Variants in PPIE observed in about 807,000 individuals in gnomAD.
The protein encoded by PPIE is peptidyl-prolyl cis-trans isomerase E.
In PPIE, 20 loss-of-function variants were observed where a neutral mutation model predicts 38.4. The ratio of observed to expected loss-of-function variants is 0.52; its 90% CI spans 0.37 to 0.76. PPIE has a LOEUF of 0.76. Ranked by LOEUF, PPIE falls within the 30% of genes least tolerant of loss-of-function variation. The probability of loss-of-function intolerance (pLI) is 0.00; values close to 1 mark genes in which losing one functional copy is unlikely to be tolerated. For missense variants in PPIE, 322 were observed against 385.8 expected (o/e 0.83, Z 1.39); for synonymous variants, 142 against 135.7 (o/e 1.05, Z -0.32).
At chr1:39,762,938 G>A in intron 9 of PPIE, among the ~76,000 whole-genome samples, 1 of 152,224 alleles carries the variant, frequency 6.6e-6, no homozygotes, top group East Asian at 1.9e-4. Context: ...TTCCTGCAGA[G>A]CTGTGGGAAG....
At chr1:39,741,770 C>T in intron 3 of PPIE, 125 bp from the exon 4 acceptor site, 1 of 1,104,530 alleles carries the variant, frequency 9.1e-7, no homozygotes, top group Non-Finnish European at 1.3e-6. Flanking sequence ...TAGAAACACA[C>T]AAAACCTAGG....
At position 39,753,608 on chromosome 1, in the gene PPIE, TG is replaced by T. The variant is rs1647988532; in HGVS notation, c.*255del. 1 of 1,327,192 alleles carries T rather than the reference TG, an allele frequency of 7.5e-7. No individual in the cohort carries two copies. Among genetic ancestry groups the T allele is most frequent in the South Asian group, 2.1e-5 (1 of 47,918 alleles). The allele number at this position is 1,327,192 out of a possible 1,614,324, so 82.2% of individuals were successfully genotyped here. On this transcript the variant is annotated 3_prime_UTR_variant, in exon 10 of 10. Coordinates refer to ENST00000324379, the MANE Select transcript of PPIE (RefSeq NM_006112.4). ...ATGGGCAGGCTGTGCAAAAAGCCAC[TG>T]GCTTTTCTCAGCATTTGCTGCTGGG...
chr1:39,752,913 T>A lies in PPIE; in HGVS notation c.698T>A (p.Leu233Gln). ...TGATGGTTGTTCTCTCCCTCAGGTC[T>A]ACTATCCATGGCCAACTCTGGCCCA... The part of the protein sequence containing the change: ...NFILKHTGPG[L>Q]LSMANSGPNT... The change falls in exon 9 of 10, where the codon CTA becomes CAA. Residue 233 changes from leucine (L) to glutamine (Q), a missense_variant. By Grantham distance (113) the Leu-to-Gln change is moderately radical. Transcript: ENST00000324379. 6.2e-7 allele frequency: 1 copy of A among 1,613,526 alleles called. No individual in the cohort carries two copies. Among genetic ancestry groups the A allele is most frequent in the African/African-American group, 1.3e-5 (1 of 75,042 alleles).
intron 1 of PPIE, 128 bp downstream of exon 1, chr1:39,739,059 G>A: frequency 9.3e-7 from 1 of 1,075,790 alleles, no homozygotes; most frequent in Non-Finnish European, 1.2e-6. Flanking sequence ...TCTGGCGGTA[G>A]TGCTGGCGAT....
Position 39,756,171 on chromosome 1 carries a change from C to T in PPIE, c.*2816C>T, listed in dbSNP as rs984300445. On this transcript the variant is annotated 3_prime_UTR_variant, in exon 10 of 10. Transcript: ENST00000324379. Reference sequence around the variant, plus strand: ...ATGCAGCAGCTGCACCTGGCTGCCTCGGGAAAACTCTGACCTCTCTGGGAA... The same window carrying T: ...ATGCAGCAGCTGCACCTGGCTGCCTTGGGAAAACTCTGACCTCTCTGGGAA... 3 of 985,426 alleles carry T rather than the reference C, an allele frequency of 3.0e-6. No homozygotes were observed. Among genetic ancestry groups the T allele is most frequent in the African/African-American group, 3.5e-5 (2 of 57,368 alleles). The allele number at this position is 985,426 out of a possible 1,614,324, so 61.0% of individuals were successfully genotyped here.
chr1:39,755,689 C>G lies in PPIE; in HGVS notation c.*2334C>G, dbSNP rs1420413877. 1.0e-6 allele frequency: 1 copy of G among 985,296 alleles called. No homozygotes were observed. The highest frequency in any genetic ancestry group is 1.7e-5 in the African/African-American group (1 of 57,214). 61.0% of individuals were successfully genotyped at this position (985,296 alleles called of 1,614,324 possible). ...GTGACAACCTTGTCACTCTGTTCCTCCCTGATACTCTGGGGAGGTGGAGGC... is the reference window on the plus strand; with the variant it reads ...GTGACAACCTTGTCACTCTGTTCCTGCCTGATACTCTGGGGAGGTGGAGGC... On this transcript the variant is annotated 3_prime_UTR_variant, in exon 10 of 10. Coordinates refer to ENST00000324379, the MANE Select transcript of PPIE (RefSeq NM_006112.4).
rs868425838 is a variant in PPIE at position 39,762,570 on chromosome 1, T to A, written c.838-1119T>A. 1.9e-6 allele frequency: 3 copies of A among 1,550,142 alleles called. No homozygotes were observed. The African/African-American group carries it at 4.1e-5, about 21-fold the overall frequency. ...CCAGGGGATCCAGAAAAAACAAAGA[T>A]GGCCAAGAGAGAAACTGGGGGAAAA... On this transcript the variant is annotated intron_variant, in intron 9 of 9. Transcript: ENST00000356511.
rs918702022 is a variant in PPIE, at chr1:39,743,905, C to T, written c.365C>T (p.Pro122Leu). 6.2e-7 allele frequency: 1 copy of T among 1,612,904 alleles called. No individual in the cohort carries two copies. The highest frequency in any genetic ancestry group is 1.7e-5 in the Admixed American group (1 of 60,022). Residue 122 changes from proline to leucine, a missense_variant, in exon 6 of 10, where the codon CCC becomes CTC. Physicochemically the swap from Pro to Leu is moderately conservative, Grantham distance 98. Coordinates refer to ENST00000324379, the MANE Select transcript of PPIE (RefSeq NM_006112.4). The part of the protein sequence containing the change: ...ENKEEEGSEP[P>L]KAETQEGEPI... ...AAAGAGGAAGAAGGGTCAGAGCCTC[C>T]CAAAGCAGAGACCCAGGAGGTGAGA...
At chr1:39,762,492 C>G in intron 9 of PPIE, 1 of 1,544,330 alleles carries the variant, frequency 6.5e-7, no homozygotes, top group Non-Finnish European at 8.7e-7. Context: ...GTGATCCCAT[C>G]AGAAACCTGC....
rs1264337900 is a variant in PPIE, at chr1:39,755,013, G to C, written c.*1658G>C. The C allele has an allele frequency of 1.0e-6, 1 of 985,332 alleles. No individual in the cohort carries two copies. Among genetic ancestry groups the C allele is most frequent in the African/African-American group, 1.7e-5 (1 of 57,248 alleles). 61.0% of individuals were successfully genotyped at this position (985,332 alleles called of 1,614,324 possible). On this transcript the variant is annotated 3_prime_UTR_variant, in exon 10 of 10. Transcript: ENST00000324379. ...GAGCCTTTACAAAACAGGATTGCCA[G>C]CCACTGAAGAGAACAAATGGTCCCA...
rs768655373 is a variant in PPIE, at chr1:39,763,641, C to T, written c.838-48C>T. The T allele has an allele frequency of 9.1e-6, 14 of 1,532,988 alleles. No individual in the cohort carries two copies. The Admixed American group carries it at 2.3e-4, about 25-fold the overall frequency. 95.0% of individuals were successfully genotyped at this position (1,532,988 alleles called of 1,614,324 possible). ...ATTGAAGTCACCATGATTCTATGTC[C>T]TCCCTGCAGATTCACTTCTGATCTA... On this transcript the variant is annotated intron_variant, in intron 9 of 9. Coordinates refer to the PPIE transcript ENST00000356511.
chr1:39,763,187 G>A (rs1249066960), intron 9 of PPIE: 2 of 1,613,212 alleles, frequency 1.2e-6, no homozygotes, highest in African/African-American at 1.3e-5. Flanking sequence ...TAGCCTTGGG[G>A]AGCGATGACC....
chr1:39,756,414 T>C lies in PPIE; in HGVS notation c.*3059T>C, dbSNP rs1211483394. The stretch of plus-strand genomic sequence containing the variant: ...CATCTGAGTCCCCACATGCTGGCCC[T>C]GAAACGGTTACAAAGGCTGAAACCA... On this transcript the variant is annotated 3_prime_UTR_variant, in exon 10 of 10. Coordinates refer to ENST00000324379, the MANE Select transcript of PPIE (RefSeq NM_006112.4). 1.0e-6 allele frequency: 1 copy of C among 985,278 alleles called. No homozygotes were observed. Among genetic ancestry groups the C allele is most frequent in the Non-Finnish European group, 1.2e-6 (1 of 829,944 alleles). The allele number at this position is 985,278 out of a possible 1,614,324, so 61.0% of individuals were successfully genotyped here.
intron 8 of PPIE, 84 bp from the exon 9 acceptor site, chr1:39,752,826 G>A (rs1647877850): frequency 1.3e-6 from 2 of 1,513,112 alleles, no homozygotes; most frequent in Non-Finnish European, 8.9e-7. Flanking sequence ...CTGACTGGCT[G>A]AAGGGCTGTC....
At chr1:39,745,611 T>G (rs552014740) in intron 7 of PPIE, 113 bp downstream of exon 7, 1 of 1,529,660 alleles carries the variant, frequency 6.5e-7, no homozygotes, top group African/African-American at 1.4e-5. Flanking sequence ...CTGACCTAAG[T>G]TGATTTGAGG....
chr1:39,763,283 C>G (rs891699703), intron 9 of PPIE: 2 of 1,356,216 alleles, frequency 1.5e-6, no homozygotes, highest in Admixed American at 2.0e-5. Flanking sequence ...TCCAGCCCTG[C>G]AGGGCCGTCT....
chr1:39,742,045 C>A, intron 4 of PPIE, 124 bp downstream of exon 4: 1 of 967,606 alleles, frequency 1.0e-6, no homozygotes, highest in Non-Finnish European at 1.6e-6. Context: ...AAAATTCTCA[C>A]ATGAAAATAT....
chr1:39,749,565 G>A (rs929979647), intron 8 of PPIE, among the ~76,000 whole-genome samples: 1 of 152,028 alleles, frequency 6.6e-6, no homozygotes, highest in Non-Finnish European at 1.5e-5. Flanking sequence ...GTCCATGCCC[G>A]TCTTCACTTC....
In PPIE at chr1:39,756,700, T is replaced by A; in HGVS notation, c.*3345T>A. Reference sequence around the variant, plus strand: ...GATCCCAATTTTGTAAAAATATCTGTAATATGTAAGCATAGGTATTTGTAT... The same window carrying A: ...GATCCCAATTTTGTAAAAATATCTGAAATATGTAAGCATAGGTATTTGTAT... On this transcript the variant is annotated 3_prime_UTR_variant, in exon 10 of 10. Transcript: ENST00000324379. 1 of 733,582 alleles carries A rather than the reference T, an allele frequency of 1.4e-6. No homozygotes were observed. The highest frequency in any genetic ancestry group is 1.7e-6 in the Non-Finnish European group (1 of 600,244). The allele number at this position is 733,582 out of a possible 1,614,324, so 45.4% of individuals were successfully genotyped here.
Sources: gnomAD v4.1 joint callset for allele counts (sites outside exome capture counted in the v4.1 genomes callset) on GRCh38, gnomAD v4.1.1 for gene constraint, MANE v1.5 for transcripts, NCBI Gene and HGNC (gene_info 2026-07-23, HGNC 2026-07-21) for gene names.